Variants in PHACTR2 observed in about 807,000 individuals in gnomAD.
PHACTR2 encodes the protein chromosome 6 open reading frame 56.
PHACTR2 carries 30 observed loss-of-function variants against 76.0 expected under a neutral mutation model. The observed-to-expected ratio is 0.39, with a 90% CI of 0.30 to 0.54. The LOEUF (loss-of-function observed/expected upper bound fraction) is 0.54. PHACTR2 is among the 20% of genes least tolerant of loss of function. The probability of loss-of-function intolerance (pLI) is 0.61; values close to 1 mark genes in which losing one functional copy is unlikely to be tolerated. For missense variants in PHACTR2, 696 were observed against 781.1 expected, an observed-to-expected ratio of 0.89 and a Z score of 1.30; for synonymous variants, 292 against 292.5, an observed-to-expected ratio of 1.00 and a Z score of 0.02.
chr6:143,637,350 G>A (rs1474275891), intron 1 of PHACTR2, among the ~76,000 whole-genome samples: 3 of 151,968 alleles, frequency 2.0e-5, no homozygotes, highest in Non-Finnish European at 4.4e-5. Flanking sequence ...AGGAAGGAAG[G>A]AAGGAAGGAA....
intron 2 of PHACTR2, among the ~76,000 whole-genome samples, chr6:143,735,309 G>T (rs928605303): frequency 3.3e-5 from 5 of 152,164 alleles, no homozygotes; most frequent in Non-Finnish European, 7.4e-5. Context: ...TGATTGGAAA[G>T]AAGACTAGAT....
chr6:143,635,667 C>T (rs577010666), intron 1 of PHACTR2, among the ~76,000 whole-genome samples: 16 of 152,228 alleles, frequency 1.1e-4, no homozygotes, highest in African/African-American at 3.4e-4. Flanking sequence ...TAGTGCCAGT[C>T]GTATGTACTT....
rs1775311091 is a variant in PHACTR2 at position 143,777,501 on chromosome 6, A to G, written c.1645+118A>G. On this transcript the variant is annotated intron_variant, in intron 9 of 12. Transcript: ENST00000440869. The surrounding 1 kb of genome is among the most constrained non-coding windows in gnomAD (Gnocchi z 4.6). ...ATTCATTTACTCAAGATGGACTGAA[A>G]TAGTCCATTTATGTCACATTTATAT... The G allele has an allele frequency of 2.2e-6, 1 of 463,418 alleles. No individual in the cohort carries two copies. Among genetic ancestry groups the G allele is most frequent in the Non-Finnish European group, 3.8e-6 (1 of 262,330 alleles). The allele number at this position is 463,418 out of a possible 1,614,324, so 28.7% of individuals were successfully genotyped here.
At chr6:143,799,282 C>T (rs570489781) in intron 11 of PHACTR2, among the ~76,000 whole-genome samples, 145 of 152,238 alleles carry the variant, frequency 9.5e-4, no homozygotes, top group Non-Finnish European at 1.6e-3. Context: ...CTCTTTTCTT[C>T]TTTATTAGTC....
rs890692746 is a variant in PHACTR2 at position 143,664,831 on chromosome 6, C to T, written c.14-47185C>T. 6.6e-6 allele frequency among the ~76,000 whole-genome samples: 1 copy of T among 151,976 alleles called. No individual in the cohort carries two copies. Among genetic ancestry groups the T allele is most frequent in the South Asian group, 2.1e-4 (1 of 4,812 alleles). Reference sequence around the variant, plus strand: ...ATTATTATTTTGAGACACTGTCTTGCTCTGTCACCCAGGCTGGAGTGCAGT... The same window carrying T: ...ATTATTATTTTGAGACACTGTCTTGTTCTGTCACCCAGGCTGGAGTGCAGT... On this transcript the variant is annotated intron_variant, in intron 1 of 11. Transcript: ENST00000305766. This position sits in a 1 kb window ranked among gnomAD's most constrained non-coding sequence, Gnocchi z 5.1.
At chr6:143,713,525 G>A (rs1778231173) in intron 2 of PHACTR2, among the ~76,000 whole-genome samples, 1 of 152,232 alleles carries the variant, frequency 6.6e-6, no homozygotes, top group Non-Finnish European at 1.5e-5. Flanking sequence ...GTCCTCTTCA[G>A]CACCTAAGTG....
intron 1 of PHACTR2, among the ~76,000 whole-genome samples, chr6:143,615,461 CTTA>C (rs1358797670): frequency 6.6e-6 from 1 of 152,096 alleles, no homozygotes; most frequent in Non-Finnish European, 1.5e-5. Context: ...GTCATATGAT[CTTA>C]TTATACATCT....
rs1333081953 is a variant in PHACTR2, at chr6:143,680,070, G to A, written c.46+1861G>A. Among the ~76,000 whole-genome samples, 1 of 151,610 alleles carries A rather than the reference G, an allele frequency of 6.6e-6. No individual in the cohort carries two copies. The highest frequency in any genetic ancestry group is 1.5e-5 in the Non-Finnish European group (1 of 67,926). On this transcript the variant is annotated intron_variant, in intron 1 of 12. Coordinates refer to ENST00000440869, the MANE Select transcript of PHACTR2 (RefSeq NM_001100164.2). This position sits in a 1 kb window ranked among gnomAD's most constrained non-coding sequence, Gnocchi z 4.5. ...GGTATTGTAAAAGAACAGTTTTCTC[G>A]TGGTATCCAGTGTCTCTAAATCCGT...
rs1371791327 is a variant in PHACTR2, at chr6:143,624,058, G to A, written c.13+15736G>A. Among the ~76,000 whole-genome samples the A allele has an allele frequency of 2.0e-5, 3 of 146,734 alleles. No individual in the cohort carries two copies. The highest frequency in any genetic ancestry group is 7.4e-5 in the African/African-American group (3 of 40,420). ...AAGCTATTATTGAACTTGTTTCTTT[G>A]TTAATTAGAACTAGCTCTGAAATCT... On this transcript the variant is annotated intron_variant, in intron 1 of 11. Coordinates refer to the PHACTR2 transcript ENST00000305766. This position sits in a 1 kb window ranked among gnomAD's most constrained non-coding sequence, Gnocchi z 4.6.
At position 143,739,646 on chromosome 6, in the gene PHACTR2, A is replaced by C. The variant is rs867003739; in HGVS notation, c.215-9339A>C. ...GAAGGGGAAGGACAGGCTGTGTTAC[A>C]CGTAGCACTCAAATCTTCGCTTCTA... On this transcript the variant is annotated intron_variant, in intron 2 of 12. Coordinates refer to ENST00000440869, the MANE Select transcript of PHACTR2 (RefSeq NM_001100164.2). This position sits in a 1 kb window ranked among gnomAD's most constrained non-coding sequence, Gnocchi z 4.3. Among the ~76,000 whole-genome samples, 1 of 152,220 alleles carries C rather than the reference A, an allele frequency of 6.6e-6. No homozygotes were observed. Among genetic ancestry groups the C allele is most frequent in the African/African-American group, 2.4e-5 (1 of 41,452 alleles).
At chr6:143,594,070 G>C (rs186108664) in intron 1 of PHACTR2, among the ~76,000 whole-genome samples, 16 of 152,286 alleles carry the variant, frequency 1.1e-4, no homozygotes, top group Admixed American at 9.8e-4. Flanking sequence ...GAAACTTTTT[G>C]AGAACCAATA....
rs1188453054 is a variant in PHACTR2 at position 143,789,357 on chromosome 6, T to C, written c.1845+447T>C. 2 of 155,772 alleles carry C rather than the reference T, an allele frequency of 1.3e-5. No individual in the cohort carries two copies. The highest frequency in any genetic ancestry group is 4.8e-5 in the African/African-American group (2 of 41,550). 9.6% of individuals were successfully genotyped at this position (155,772 alleles called of 1,614,324 possible). On this transcript the variant is annotated intron_variant, in intron 11 of 12. Transcript: ENST00000440869. The surrounding 1 kb of genome is among the most constrained non-coding windows in gnomAD (Gnocchi z 5.1). Reference sequence around the variant, plus strand: ...TTGCAACTGCCCAGTTCTGCCATTGTAGCATGAAAACAGCCACAGACAATG... The same window carrying C: ...TTGCAACTGCCCAGTTCTGCCATTGCAGCATGAAAACAGCCACAGACAATG...
rs1417080699 is a variant in PHACTR2 at position 143,672,030 on chromosome 6, C to T, written c.14-39986C>T. On this transcript the variant is annotated intron_variant, in intron 1 of 11. Transcript: ENST00000305766. The surrounding 1 kb of genome is among the most constrained non-coding windows in gnomAD (Gnocchi z 5.8). Reference sequence around the variant, plus strand: ...ATTTTAGATAAATCAAAAGTATGGACATGGAAAGCAGGTTGGCAGTTCCCT... The same window carrying T: ...ATTTTAGATAAATCAAAAGTATGGATATGGAAAGCAGGTTGGCAGTTCCCT... Among the ~76,000 whole-genome samples, 1 of 151,986 alleles carries T rather than the reference C, an allele frequency of 6.6e-6. No individual in the cohort carries two copies. Among genetic ancestry groups the T allele is most frequent in the Non-Finnish European group, 1.5e-5 (1 of 68,004 alleles).
chr6:143,741,486 C>T (rs1778942226), intron 2 of PHACTR2, among the ~76,000 whole-genome samples: 1 of 152,086 alleles, frequency 6.6e-6, no homozygotes, highest in African/African-American at 2.4e-5. Flanking sequence ...AAGTGAGATT[C>T]CATCTGAAAA....
At chr6:143,712,409 A>G (rs943728898) in intron 2 of PHACTR2, 43 of 192,256 alleles carry the variant, frequency 2.2e-4, no homozygotes, top group African/African-American at 9.3e-4. Context: ...TTAAAAATAT[A>G]TATTTGTAAA....
At position 143,596,449 on chromosome 6, in the gene PHACTR2, G is replaced by A. The variant is rs1775757751; in HGVS notation, c.217+59242G>A. Among the ~76,000 whole-genome samples the A allele has an allele frequency of 6.6e-6, 1 of 152,138 alleles. No individual in the cohort carries two copies. Reference sequence around the variant, plus strand: ...TCCCCAGATTGTTAGCAGAATATCAGTAATAAATGCTTAACAGCCAGTGTT... The same window carrying A: ...TCCCCAGATTGTTAGCAGAATATCAATAATAAATGCTTAACAGCCAGTGTT... On this transcript the variant is annotated intron_variant, in intron 1 of 11. Transcript: ENST00000367584. The surrounding 1 kb of genome is among the most constrained non-coding windows in gnomAD (Gnocchi z 4.6).
chr6:143,716,544 G>A (rs559353614), intron 2 of PHACTR2, among the ~76,000 whole-genome samples: 1 of 152,210 alleles, frequency 6.6e-6, no homozygotes, highest in Non-Finnish European at 1.5e-5. Flanking sequence ...TCACCATGTT[G>A]CCCAGGTTGG....
At chr6:143,771,172 ATGTATATATATATATATG>A (rs1775109984) in intron 6 of PHACTR2, among the ~76,000 whole-genome samples, 2 of 22,150 alleles carry the variant, frequency 9.0e-5, no homozygotes, top group African/African-American at 3.8e-4. Flanking sequence ...ATATATATAT[ATGTATATATATATATATG>A]TGTGTATATA....
At chr6:143,749,365 C>CT (rs543911139) in intron 3 of PHACTR2, among the ~76,000 whole-genome samples, 9 of 152,330 alleles carry the variant, frequency 5.9e-5, no homozygotes, top group African/African-American at 1.9e-4. Flanking sequence ...GGCTCCTTCT[C>CT]TTCTCTATTC....
Sources: allele counts gnomAD v4.1 joint callset (sites outside exome capture counted in the v4.1 genomes callset), GRCh38; gene constraint gnomAD v4.1.1; non-coding constraint Gnocchi (gnomAD v3.1); transcripts MANE v1.5; gene names NCBI Gene and HGNC (gene_info 2026-07-23, HGNC 2026-07-21).